Variants in STX7 observed in about 807,000 individuals in gnomAD.
The protein encoded by STX7 is syntaxin 7.
STX7 carries 34 observed loss-of-function variants against 39.6 expected under a neutral mutation model. The observed-to-expected ratio is 0.86, with a 90% CI of 0.65 to 1.14. The LOEUF is 1.14. Ranked by LOEUF, STX7 falls within the 50% of genes most tolerant of loss-of-function variation. The probability of loss-of-function intolerance (pLI) is 0.00; values close to 1 mark genes in which losing one functional copy is unlikely to be tolerated. For missense variants in STX7, 284 were observed against 310.4 expected (o/e 0.92, Z 0.64); for synonymous variants, 119 against 99.1 (o/e 1.20, Z -1.19).
intron 9 of STX7, 45 bp from the exon 10 acceptor site, chr6:132,460,895 G>C: frequency 6.5e-7 from 1 of 1,538,358 alleles, no homozygotes; most frequent in South Asian, 1.1e-5. Flanking sequence ...CATGTTTACA[G>C]ATTTAGTGGA....
Position 132,460,043 on chromosome 6 carries a change from T to C in STX7, c.*715A>G, listed in dbSNP as rs1356093012. On this transcript the variant is annotated 3_prime_UTR_variant, in exon 10 of 10. Transcript: ENST00000367941. ...TTCATACTCTTCTTCCAAATTATGT[T>C]AAACATTTTTAGTAACTACACTTTC... 1 of 152,216 alleles carries C rather than the reference T, an allele frequency of 6.6e-6. No homozygotes were observed. Among genetic ancestry groups the C allele is most frequent in the Non-Finnish European group, 1.5e-5 (1 of 68,028 alleles). The allele number at this position is 152,216 out of a possible 1,614,324, so 9.4% of individuals were successfully genotyped here.
chr6:132,461,696 C>T (rs1180297291), intron 9 of STX7: 7 of 792,958 alleles, frequency 8.8e-6, no homozygotes, highest in Non-Finnish European at 1.3e-5. Context: ...TAATGGGAAA[C>T]TACATTCAAA....
chr6:132,487,328 G>C (rs1775162237), intron 2 of STX7, among the ~76,000 whole-genome samples: 1 of 152,080 alleles, frequency 6.6e-6, no homozygotes. Context: ...TCCTTTGCAG[G>C]GATATGGATG....
rs3813357 is a variant in STX7 at position 132,459,265 on chromosome 6, C to G, written c.*1493G>C. The G allele has an allele frequency of 0.23, 34,780 of 152,134 alleles. 4,099 individuals are homozygous for G. Among genetic ancestry groups the G allele is most frequent in the African/African-American group, 0.29 (11,827 of 41,480 alleles). The allele number at this position is 152,134 out of a possible 1,614,324, so 9.4% of individuals were successfully genotyped here. ...CACTCACAAAAGAGTTTTCTGTAAT[C>G]CCTTTTGTGGAAAAAAATGGAGTTT... is the stretch of plus-strand genomic sequence containing the variant. On this transcript the variant is annotated 3_prime_UTR_variant, in exon 10 of 10. Coordinates refer to ENST00000367941, the MANE Select transcript of STX7 (RefSeq NM_003569.3).
rs145264849 is a variant in STX7 at position 132,503,532 on chromosome 6, G to C, written c.-2C>G. 18 of 1,613,100 alleles carry C rather than the reference G, an allele frequency of 1.1e-5. No homozygotes were observed. The highest frequency in any genetic ancestry group is 1.5e-5 in the Non-Finnish European group (18 of 1,179,346). On this transcript the variant is annotated 5_prime_UTR_variant, in exon 2 of 10. Transcript: ENST00000367941. ...ACCAACTCCTGGAGTGTAAGACATG[G>C]TTGATGTTCTTATTCGCTAATTTCA...
chr6:132,474,568 T>A (rs1018207076), intron 3 of STX7, among the ~76,000 whole-genome samples: 11 of 152,134 alleles, frequency 7.2e-5, no homozygotes, highest in Non-Finnish European at 1.5e-4. Flanking sequence ...GCTTACTAGA[T>A]ATATGTGACT....
At chr6:132,510,550 T>G (rs185169631) in intron 1 of STX7, among the ~76,000 whole-genome samples, 1 of 152,168 alleles carries the variant, frequency 6.6e-6, no homozygotes, top group Non-Finnish European at 1.5e-5. Context: ...TTTTAAAAAA[T>G]TAAAATTAAT....
At chr6:132,478,218 T>C (rs897046704) in intron 2 of STX7, among the ~76,000 whole-genome samples, 8 of 151,544 alleles carry the variant, frequency 5.3e-5, no homozygotes, top group Non-Finnish European at 1.0e-4. Context: ...GGGCCAAGAA[T>C]AGGAACTTTA....
intron 2 of STX7, among the ~76,000 whole-genome samples, chr6:132,497,889 A>G (rs1562337591): frequency 6.6e-6 from 1 of 152,252 alleles, no homozygotes; most frequent in African/African-American, 2.4e-5. Flanking sequence ...ATCTCAATCC[A>G]AAGTTTGAAA....
In STX7 at chr6:132,458,994, A is replaced by G. The variant is rs1254034718; in HGVS notation, c.*1764T>C. 6.6e-6 allele frequency: 1 copy of G among 152,200 alleles called. No homozygotes were observed. Among genetic ancestry groups the G allele is most frequent in the Non-Finnish European group, 1.5e-5 (1 of 68,036 alleles). The allele number at this position is 152,200 out of a possible 1,614,324, so 9.4% of individuals were successfully genotyped here. ...ATAAACATTTTATCAAGTACAGCAA[A>G]AAAAACGGAACTGATTGTGAAAGCC... On this transcript the variant is annotated 3_prime_UTR_variant, in exon 10 of 10. Transcript: ENST00000367941.
At chr6:132,463,456 C>A (rs550657934) in intron 9 of STX7, among the ~76,000 whole-genome samples, 1 of 151,992 alleles carries the variant, frequency 6.6e-6, no homozygotes, top group Non-Finnish European at 1.5e-5. Context: ...TATATTAACC[C>A]GACTCAAGAA....
intron 2 of STX7, among the ~76,000 whole-genome samples, chr6:132,475,895 T>C (rs1223115286): frequency 6.6e-6 from 1 of 152,184 alleles, no homozygotes; most frequent in African/African-American, 2.4e-5. Context: ...GAAAATGCAC[T>C]TATGACCCAA....
At chr6:132,466,398 A>C (rs2114363050) in intron 8 of STX7, among the ~76,000 whole-genome samples, 1 of 152,330 alleles carries the variant, frequency 6.6e-6, no homozygotes, top group East Asian at 1.9e-4. Context: ...TCAGAGGTTA[A>C]GAAGCTTTTT....
At chr6:132,508,147 C>T (rs1775754372) in intron 1 of STX7, among the ~76,000 whole-genome samples, 1 of 152,220 alleles carries the variant, frequency 6.6e-6, no homozygotes, top group African/African-American at 2.4e-5. Context: ...GCTGCAGGAC[C>T]AGCATCAGCA....
chr6:132,507,339 A>G (rs1418734562), intron 1 of STX7, among the ~76,000 whole-genome samples: 1 of 152,276 alleles, frequency 6.6e-6, no homozygotes, highest in Non-Finnish European at 1.5e-5. Flanking sequence ...ATGGCAATAC[A>G]ATACACCTAC....
chr6:132,508,676 A>AT (rs2114487205), intron 1 of STX7, among the ~76,000 whole-genome samples: 1 of 151,870 alleles, frequency 6.6e-6, no homozygotes, highest in East Asian at 1.9e-4. Flanking sequence ...CATCCCACTA[A>AT]TTTTTTGATT....
chr6:132,468,517 C>T, intron 7 of STX7, 42 bp from the exon 8 acceptor site: 1 of 1,512,720 alleles, frequency 6.6e-7, no homozygotes, highest in Non-Finnish European at 9.0e-7. Context: ...GAAATTCAGT[C>T]CCCATTCCAT....
chr6:132,507,938 G>A (rs1359510413), intron 1 of STX7, among the ~76,000 whole-genome samples: 5 of 152,104 alleles, frequency 3.3e-5, no homozygotes, highest in Non-Finnish European at 5.9e-5. Flanking sequence ...GCTTTCTCTC[G>A]TGTCTACATG....
In STX7 at chr6:132,468,285, T is replaced by G. The variant is rs1774613985; in HGVS notation, c.610+118A>C. ...TACTGTGTTTTATAGACCATGCTTT[T>G]GGTTCCAGGGAAACCAAAAAAGGGA... On this transcript the variant is annotated intron_variant, in intron 8 of 9. Transcript: ENST00000367941. The G allele has an allele frequency of 6.7e-6, 5 of 745,736 alleles. No individual in the cohort carries two copies. The South Asian group carries it at 7.7e-5, about 12-fold the overall frequency. 46.2% of individuals were successfully genotyped at this position (745,736 alleles called of 1,614,324 possible).
Sources: gnomAD v4.1 joint callset for allele counts (sites outside exome capture counted in the v4.1 genomes callset) on GRCh38, gnomAD v4.1.1 for gene constraint, MANE v1.5 for transcripts, NCBI Gene and HGNC (gene_info 2026-07-23, HGNC 2026-07-21) for gene names.